The following TRABD2A variants were observed in gnomAD, a reference collection of about 807,000 sequenced individuals.
TRABD2A encodes the protein metalloprotease TIKI1.
In TRABD2A, 43 loss-of-function variants were observed where a neutral mutation model predicts 45.6. The ratio of observed to expected loss-of-function variants is 0.94; its 90% confidence interval spans 0.74 to 1.22. The LOEUF (loss-of-function observed/expected upper bound fraction) is 1.22. TRABD2A is among the 50% of genes most tolerant of loss of function. The probability of loss-of-function intolerance (pLI) is 0.00; values close to 1 mark genes in which losing one functional copy is unlikely to be tolerated. For synonymous variants in TRABD2A, 269 were observed against 265.0 expected (o/e 1.02, Z -0.15); for missense variants, 642 against 652.4 (o/e 0.98, Z 0.17).
chr2:84,867,913 A>G (rs1232328535), intron 2 of TRABD2A, among the ~76,000 whole-genome samples: 2 of 152,240 alleles, frequency 1.3e-5, no homozygotes, highest in Non-Finnish European at 2.9e-5. Flanking sequence ...TAGAATGGCA[A>G]TCATTAAAAA....
chr2:84,869,061 T>C (rs1055340379), intron 2 of TRABD2A, among the ~76,000 whole-genome samples: 1 of 152,214 alleles, frequency 6.6e-6, no homozygotes. Context: ...TACTTATTAA[T>C]ATTATAGAAT....
At position 84,870,701 on chromosome 2, in the gene TRABD2A, G is replaced by A. The variant is rs1201801674; in HGVS notation, c.193C>T (p.Arg65Ter). ...TTGTCGGGGATGAAGTCCCAAACTC[G>A]GGTGTACGGGACATGGATTGTGCCA... is the stretch of plus-strand genomic sequence containing the variant. Reference protein sequence around the residue: ...FFGTIHVPYTRVWDFIPDNSK... With the variant: ...FFGTIHVPYT Residue 65 changes from arginine to a stop codon, truncating the protein, a stop_gained, in exon 2 of 7, where the codon CGA (arginine) becomes TGA (stop). Coordinates refer to ENST00000409520, the MANE Select transcript of TRABD2A (RefSeq NM_001277053.2). LOFTEE classifies it high-confidence loss of function. 11 of 1,604,222 alleles carry A rather than the reference G, an allele frequency of 6.9e-6. No homozygotes were observed. The highest frequency in any genetic ancestry group is 1.7e-5 in the Admixed American group (1 of 58,366).
At chr2:84,869,130 T>C (rs999401) in intron 2 of TRABD2A, among the ~76,000 whole-genome samples, 127,070 of 152,192 alleles carry the variant, frequency 0.83, 54,134 homozygotes, top group African/African-American at 0.96. Context: ...TATTTTTAGA[T>C]TGTTACATGT....
intron 1 of TRABD2A, chr2:84,874,776 G>T: frequency 4.0e-6 from 1 of 247,058 alleles, no homozygotes; most frequent in South Asian, 6.0e-5. Flanking sequence ...GGAGGGGTCT[G>T]AGGACTACAG....
At chr2:84,832,214 A>C in intron 4 of TRABD2A, 69 bp from the exon 5 acceptor site, 2 of 1,509,392 alleles carry the variant, frequency 1.3e-6, no homozygotes, top group East Asian at 2.3e-5. Flanking sequence ...CCAAACACAC[A>C]CCCTAGAACC....
rs375165052 is a variant in TRABD2A, at chr2:84,850,273, G to A, written c.670-8266C>T. Among the ~76,000 whole-genome samples, 15 of 152,266 alleles carry A rather than the reference G, an allele frequency of 9.9e-5. No individual in the cohort carries two copies. In the South Asian group the frequency reaches 2.9e-3, roughly 29 times the overall value. On this transcript the variant is annotated intron_variant, in intron 2 of 6. Transcript: ENST00000409520. ...TAGAACTCTGAGCATCCAGGAGATGGACAGCAAAGTACTCAAAGCTGTTAG... is the reference window on the plus strand; with the variant it reads ...TAGAACTCTGAGCATCCAGGAGATGAACAGCAAAGTACTCAAAGCTGTTAG...
At chr2:84,863,279 C>G in intron 2 of TRABD2A, among the ~76,000 whole-genome samples, 1 of 105,862 alleles carries the variant, frequency 9.4e-6, no homozygotes, top group East Asian at 2.3e-4. Flanking sequence ...GAGTCTCGCT[C>G]TGTCGCCCAG....
intron 2 of TRABD2A, among the ~76,000 whole-genome samples, chr2:84,852,066 C>A (rs1478714883): frequency 6.6e-6 from 1 of 152,136 alleles, no homozygotes; most frequent in Non-Finnish European, 1.5e-5. Context: ...TCCACGTGGT[C>A]CCTGAGATGT....
intron 2 of TRABD2A, chr2:84,843,616 C>T (rs1327919754): frequency 6.6e-6 from 1 of 152,548 alleles, no homozygotes; most frequent in Non-Finnish European, 1.5e-5. Flanking sequence ...GGCCTTTGGT[C>T]TGGTGAGGGC....
chr2:84,831,552 GAA>G (rs1363126640), intron 5 of TRABD2A, among the ~76,000 whole-genome samples: 6 of 151,520 alleles, frequency 4.0e-5, no homozygotes, highest in Non-Finnish European at 8.8e-5. Context: ...AAAAGAGAGA[GAA>G]ATAAACCTAG....
chr2:84,869,307 T>C (rs1055036057), intron 2 of TRABD2A, among the ~76,000 whole-genome samples: 2 of 152,180 alleles, frequency 1.3e-5, no homozygotes, highest in African/African-American at 2.4e-5. Flanking sequence ...AAGACTCCCA[T>C]TGGTCTCCAG....
intron 2 of TRABD2A, among the ~76,000 whole-genome samples, chr2:84,848,165 A>T (rs1222337186): frequency 6.6e-6 from 1 of 152,194 alleles, no homozygotes; most frequent in East Asian, 1.9e-4. Context: ...AACCCATAAC[A>T]CATGTCGATC....
intron 2 of TRABD2A, among the ~76,000 whole-genome samples, chr2:84,855,804 T>C (rs1405514501): frequency 1.3e-5 from 2 of 152,164 alleles, no homozygotes; most frequent in African/African-American, 2.4e-5. Context: ...CAAGTCCCAG[T>C]TGGGGCATTG....
At chr2:84,868,688 A>G (rs139379360) in intron 2 of TRABD2A, among the ~76,000 whole-genome samples, 82 of 152,324 alleles carry the variant, frequency 5.4e-4, no homozygotes, top group Non-Finnish European at 1.0e-3. Context: ...AAAGAAAGGA[A>G]AAAAGAGACA....
intron 1 of TRABD2A, among the ~76,000 whole-genome samples, chr2:84,877,020 A>G (rs758449917): frequency 6.6e-6 from 1 of 152,194 alleles, no homozygotes; most frequent in Non-Finnish European, 1.5e-5. Context: ...AATGAATCTT[A>G]TCTTGTACAA....
rs1262526024 is a variant in TRABD2A at position 84,848,403 on chromosome 2, CAGACAGACAGAT to C, written c.670-6408_670-6397del. 6.1e-5 allele frequency among the ~76,000 whole-genome samples: 9 copies of C among 147,356 alleles called. No individual in the cohort carries two copies. The South Asian group carries it at 1.5e-3, about 24-fold the overall frequency. Reference sequence around the variant, plus strand: ...ACAGACAGACAGACAGACAGACAGACAGACAGACAGATAGATAGTCTCCACTTTCGTTTTGCT... The same window carrying C: ...ACAGACAGACAGACAGACAGACAGACAGATAGTCTCCACTTTCGTTTTGCT... On this transcript the variant is annotated intron_variant, in intron 2 of 6. Transcript: ENST00000409520.
At chr2:84,838,234 C>T (rs1461941649) in intron 4 of TRABD2A, 1 of 717,432 alleles carries the variant, frequency 1.4e-6, no homozygotes, top group Admixed American at 2.0e-5. Context: ...TTCAAGGCTA[C>T]TGTGAAGCTG....
chr2:84,823,354 C>G (rs1264679308), intron 6 of TRABD2A, among the ~76,000 whole-genome samples: 2 of 152,196 alleles, frequency 1.3e-5, no homozygotes, highest in Non-Finnish European at 2.9e-5. Context: ...GCCCCACACA[C>G]ATAGCATCCG....
Position 84,821,740 on chromosome 2 carries a change from A to G in TRABD2A, c.*177T>C, listed in dbSNP as rs543721894. 83 of 532,098 alleles carry G rather than the reference A, an allele frequency of 1.6e-4. No homozygotes were observed. The highest frequency in any genetic ancestry group is 6.6e-4 in the Admixed American group (16 of 24,396). The allele number at this position is 532,098 out of a possible 1,614,324, so 33.0% of individuals were successfully genotyped here. On this transcript the variant is annotated 3_prime_UTR_variant, in exon 7 of 7. Coordinates refer to ENST00000409520, the MANE Select transcript of TRABD2A (RefSeq NM_001277053.2). ...GTTACAAAACTGTACACCTGCCCCC[A>G]AAGTTGGATAACCCAAAGTCACATT...
Sources: allele counts gnomAD v4.1 joint callset (sites outside exome capture counted in the v4.1 genomes callset), GRCh38; gene constraint gnomAD v4.1.1; transcripts MANE v1.5; gene names NCBI Gene and HGNC (gene_info 2026-07-23, HGNC 2026-07-21).